The following ETS1 variants were observed in gnomAD, a reference collection of about 807,000 sequenced individuals.
The protein encoded by ETS1 is protein C-ets-1.
In ETS1, 15 loss-of-function variants were observed where a neutral mutation model predicts 58.6. That is an observed-to-expected ratio of 0.26 (90% CI 0.17 to 0.39). The LOEUF (loss-of-function observed/expected upper bound fraction) is 0.39, where lower values mean the gene tolerates loss of function less well. Among genes scored for constraint, ETS1 ranks in the 10% least tolerant of loss-of-function variants. The probability of loss-of-function intolerance (pLI) is 1.00; values close to 1 mark genes in which losing one functional copy is unlikely to be tolerated. For missense variants in ETS1, 417 were observed against 610.5 expected (o/e 0.68, Z 3.34); for synonymous variants, 214 against 218.2 (o/e 0.98, Z 0.17).
At chr11:128,552,261 T>A (rs1052570681) in intron 3 of ETS1, among the ~76,000 whole-genome samples, 7 of 152,140 alleles carry the variant, frequency 4.6e-5, no homozygotes, top group African/African-American at 1.7e-4. Context: ...CCTACTACAC[T>A]AAATAGATGT....
At chr11:128,522,294 C>T in intron 3 of ETS1, 3 of 1,097,148 alleles carry the variant, frequency 2.7e-6, no homozygotes, top group Non-Finnish European at 2.2e-6. Context: ...GCGGCTGCCT[C>T]GTTCGCTCTC....
intron 3 of ETS1, among the ~76,000 whole-genome samples, chr11:128,550,978 T>C (rs4245078): frequency 0.6 from 91,484 of 152,078 alleles, 30,204 homozygotes; most frequent in African/African-American, 0.87. Flanking sequence ...CGTCCAGCCT[T>C]TTCTCAGGGA....
At chr11:128,472,553 G>C (rs1380493761) in intron 8 of ETS1, among the ~76,000 whole-genome samples, 1 of 152,174 alleles carries the variant, frequency 6.6e-6, no homozygotes, top group African/African-American at 2.4e-5. Flanking sequence ...CACACTACCT[G>C]TTCTACTCAG....
rs543927423 is a variant in ETS1 at position 128,495,708 on chromosome 11, T to C, written c.215-5132A>G. Reference sequence around the variant, plus strand: ...CAGTTCTCCAAACTGAAAGATAGGATTCTAAAGACAAAGAAAAAAGAGAGA... The same window carrying C: ...CAGTTCTCCAAACTGAAAGATAGGACTCTAAAGACAAAGAAAAAAGAGAGA... On this transcript the variant is annotated intron_variant, in intron 3 of 9. Transcript: ENST00000392668. Among the ~76,000 whole-genome samples the C allele has an allele frequency of 1.2e-4, 19 of 152,264 alleles. No individual in the cohort carries two copies. In the South Asian group the frequency reaches 3.9e-3, roughly 32 times the overall value.
At chr11:128,477,080 G>A (rs1862343128) in intron 8 of ETS1, among the ~76,000 whole-genome samples, 3 of 152,246 alleles carry the variant, frequency 2.0e-5, no homozygotes, top group Admixed American at 1.3e-4. Flanking sequence ...ATCCTATCAA[G>A]AAGTAAAATG....
chr11:128,521,819 G>A (rs1863679458), intron 3 of ETS1: 1 of 982,990 alleles, frequency 1.0e-6, no homozygotes, highest in Middle Eastern at 3.1e-4. Flanking sequence ...GAAATGCACC[G>A]CCCAGAAGGG....
chr11:128,586,141 G>A (rs1307088863), intron 1 of ETS1, among the ~76,000 whole-genome samples: 1 of 152,240 alleles, frequency 6.6e-6, no homozygotes, highest in Non-Finnish European at 1.5e-5. Context: ...GGACGGAAGA[G>A]GCTGCATGGA....
chr11:128,521,339 G>T (rs1161974839), intron 3 of ETS1, among the ~76,000 whole-genome samples: 1 of 152,166 alleles, frequency 6.6e-6, no homozygotes, highest in Non-Finnish European at 1.5e-5. Flanking sequence ...AGGGTCGGAC[G>T]TTTCTCAAAG....
chr11:128,539,985 G>A (rs957817234), intron 3 of ETS1, among the ~76,000 whole-genome samples: 2 of 152,140 alleles, frequency 1.3e-5, no homozygotes, highest in Admixed American at 1.3e-4. Context: ...AATGAAGATC[G>A]ACTGCTAATG....
Position 128,463,974 on chromosome 11 carries a change from A to C in ETS1, c.1124-347T>G, listed in dbSNP as rs912287341. The C allele has an allele frequency of 5.4e-5, 9 of 165,422 alleles. No individual in the cohort carries two copies. The highest frequency in any genetic ancestry group is 2.2e-4 in the African/African-American group (9 of 41,706). 10.2% of individuals were successfully genotyped at this position (165,422 alleles called of 1,614,324 possible). On this transcript the variant is annotated intron_variant, in intron 8 of 9. Coordinates refer to ENST00000392668, the MANE Select transcript of ETS1 (RefSeq NM_001143820.2). The surrounding 1 kb of genome is among the most constrained non-coding windows in gnomAD (Gnocchi z 4.1). ...CAGCATAATCTTTTACACCTGCAAA[A>C]ACTAAGTCATTATTTTTGCCTTCAG... is the stretch of plus-strand genomic sequence containing the variant.
chr11:128,509,019 C>A (rs978807489), intron 3 of ETS1, among the ~76,000 whole-genome samples: 4 of 152,156 alleles, frequency 2.6e-5, no homozygotes, highest in African/African-American at 9.7e-5. Context: ...AAACCAGCGG[C>A]AAGTCACCCA....
intron 1 of ETS1, among the ~76,000 whole-genome samples, chr11:128,580,638 T>C (rs1221722025): frequency 6.6e-6 from 1 of 152,234 alleles, no homozygotes; most frequent in Non-Finnish European, 1.5e-5. Flanking sequence ...TAGTGAATAT[T>C]CCTTCTTATT....
intron 8 of ETS1, among the ~76,000 whole-genome samples, chr11:128,467,161 G>A (rs556534308): frequency 6.6e-6 from 1 of 152,344 alleles, no homozygotes; most frequent in East Asian, 1.9e-4. Flanking sequence ...CTGGGCCAGG[G>A]TGGGCGCAGT....
intron 3 of ETS1, among the ~76,000 whole-genome samples, chr11:128,502,576 TGAAA>T (rs571091705): frequency 2.2e-4 from 34 of 152,346 alleles, no homozygotes; most frequent in African/African-American, 8.2e-4. Flanking sequence ...GGCCAAGAGC[TGAAA>T]TTCACAGATA....
chr11:128,541,677 G>C (rs1864059993), intron 3 of ETS1, among the ~76,000 whole-genome samples: 1 of 152,122 alleles, frequency 6.6e-6, no homozygotes, highest in African/African-American at 2.4e-5. Flanking sequence ...CAATGATCCT[G>C]ACAGATTAAT....
chr11:128,468,604 T>C (rs1411516067), intron 8 of ETS1, among the ~76,000 whole-genome samples: 2 of 152,152 alleles, frequency 1.3e-5, no homozygotes, highest in South Asian at 2.1e-4. Context: ...TCACCTGTGC[T>C]CTGCTGAGAG....
intron 8 of ETS1, among the ~76,000 whole-genome samples, chr11:128,473,643 G>T (rs1017072291): frequency 6.6e-6 from 1 of 152,176 alleles, no homozygotes; most frequent in African/African-American, 2.4e-5. Context: ...CTACCTGCAG[G>T]CATCCCCAAG....
At chr11:128,485,746 C>T (rs1450818889) in intron 6 of ETS1, among the ~76,000 whole-genome samples, 1 of 152,116 alleles carries the variant, frequency 6.6e-6, no homozygotes, top group Non-Finnish European at 1.5e-5. Context: ...TAACCCAACC[C>T]TCTTTTGGCC....
chr11:128,560,755 G>A (rs1017033808), intron 2 of ETS1, among the ~76,000 whole-genome samples: 2 of 152,170 alleles, frequency 1.3e-5, no homozygotes, highest in Non-Finnish European at 1.5e-5. Context: ...TGCTAAGAAT[G>A]TAATATAAGC....
Sources: allele counts gnomAD v4.1 joint callset (sites outside exome capture counted in the v4.1 genomes callset), GRCh38; gene constraint gnomAD v4.1.1; non-coding constraint Gnocchi (gnomAD v3.1); transcripts MANE v1.5; gene names NCBI Gene and HGNC (gene_info 2026-07-23, HGNC 2026-07-21).